ADGRL2: variants seen among roughly 807,000 people sequenced by gnomAD.
ADGRL2 encodes the protein calcium-independent alpha-latrotoxin receptor 2.
A neutral mutation model predicts 157.4 loss-of-function variants in ADGRL2; 44 were observed. The observed-to-expected ratio is 0.28, with a 90% confidence interval of 0.22 to 0.36. The LOEUF (loss-of-function observed/expected upper bound fraction) is 0.36. Among genes scored for constraint, ADGRL2 ranks in the 10% least tolerant of loss-of-function variants. The pLI is 1.00. For missense variants in ADGRL2, 1,510 were observed against 1,768.9 expected (o/e 0.85, Z 2.63); for synonymous variants, 585 against 624.7 (o/e 0.94, Z 0.95).
intron 3 of ADGRL2, among the ~76,000 whole-genome samples, chr1:81,648,770 G>A (rs1429101898): frequency 2.0e-5 from 3 of 152,182 alleles, no homozygotes; most frequent in Non-Finnish European, 4.4e-5. Context: ...TAGTGGGGAA[G>A]AGGCTTCCTA....
At chr1:81,980,273 A>T (rs1361789339) in intron 18 of ADGRL2, among the ~76,000 whole-genome samples, 1 of 151,774 alleles carries the variant, frequency 6.6e-6, no homozygotes, top group Non-Finnish European at 1.5e-5. Flanking sequence ...TGATATGATT[A>T]TATTAAGTTT....
intron 1 of ADGRL2, among the ~76,000 whole-genome samples, chr1:81,330,284 A>T: frequency 6.6e-6 from 1 of 152,112 alleles, no homozygotes. Context: ...ATTCAAACAG[A>T]TTTCTAAAAC....
At chr1:81,395,759 A>G (rs892651980) in intron 1 of ADGRL2, among the ~76,000 whole-genome samples, 4 of 152,196 alleles carry the variant, frequency 2.6e-5, no homozygotes, top group African/African-American at 7.2e-5. Context: ...TCTTCTGCAT[A>G]TGAATATCCA....
chr1:81,543,079 A>G (rs188424626), intron 2 of ADGRL2, among the ~76,000 whole-genome samples: 4 of 152,086 alleles, frequency 2.6e-5, no homozygotes, highest in Admixed American at 6.5e-5. Flanking sequence ...TTGAACTTCA[A>G]GATAAGTTAT....
chr1:81,945,862 T>TA (rs1649646168), intron 6 of ADGRL2, among the ~76,000 whole-genome samples: 2 of 115,014 alleles, frequency 1.7e-5, no homozygotes, highest in Non-Finnish European at 3.6e-5. Flanking sequence ...GTTTGACCCA[T>TA]ATTCATTCTC....
chr1:81,881,204 C>T (rs2151213192), intron 2 of ADGRL2, among the ~76,000 whole-genome samples: 1 of 152,260 alleles, frequency 6.6e-6, no homozygotes, highest in East Asian at 1.9e-4. Flanking sequence ...GAGACGGAGT[C>T]TTGCTCTGTC....
intron 2 of ADGRL2, among the ~76,000 whole-genome samples, chr1:81,578,711 A>G (rs2080845811): frequency 6.6e-6 from 1 of 152,166 alleles, no homozygotes; most frequent in Admixed American, 6.6e-5. Flanking sequence ...TGAAAACAAC[A>G]AACAACAAAC....
intron 1 of ADGRL2, among the ~76,000 whole-genome samples, chr1:81,826,953 G>T (rs74095935): frequency 0.049 from 7,389 of 152,066 alleles, 566 homozygotes; most frequent in African/African-American, 0.17. Context: ...TTAATTGTAG[G>T]TTAAAAATGT....
intron 3 of ADGRL2, among the ~76,000 whole-genome samples, chr1:81,654,793 T>C (rs1402770510): frequency 2.0e-5 from 3 of 152,230 alleles, no homozygotes; most frequent in Admixed American, 2.0e-4. Flanking sequence ...AATTTCATTA[T>C]AATGGATTTC....
intron 1 of ADGRL2, among the ~76,000 whole-genome samples, chr1:81,732,365 T>C (rs2084756017): frequency 1.3e-5 from 2 of 152,216 alleles, no homozygotes. Context: ...TACATATGCT[T>C]TTTAAACTCT....
rs1293835247 is a variant in ADGRL2 at position 81,887,971 on chromosome 1, C to T, written c.74-19046C>T. Reference sequence around the variant, plus strand: ...GGGATAGAGAATTCAGGGAAAGAGTCTGGATACTTTGGCTGTGGCTAGACA... The same window carrying T: ...GGGATAGAGAATTCAGGGAAAGAGTTTGGATACTTTGGCTGTGGCTAGACA... On this transcript the variant is annotated intron_variant, in intron 2 of 23. Transcript: ENST00000686636. 2.6e-5 allele frequency among the ~76,000 whole-genome samples: 4 copies of T among 151,998 alleles called. No homozygotes were observed. The East Asian group carries it at 7.8e-4, about 29-fold the overall frequency.
intron 2 of ADGRL2, among the ~76,000 whole-genome samples, chr1:81,486,545 G>GA (rs200011044): frequency 1.3e-4 from 19 of 150,398 alleles, no homozygotes; most frequent in South Asian, 6.5e-4. Context: ...GATAAAACTT[G>GA]AAAAAAAACA....
At chr1:81,389,277 G>A (rs1191864582) in intron 1 of ADGRL2, among the ~76,000 whole-genome samples, 2 of 152,082 alleles carry the variant, frequency 1.3e-5, no homozygotes, top group Non-Finnish European at 2.9e-5. Flanking sequence ...TGGAGACAAT[G>A]TCTCTTTCCC....
At chr1:81,367,170 G>C (rs920611182) in intron 1 of ADGRL2, among the ~76,000 whole-genome samples, 2 of 151,658 alleles carry the variant, frequency 1.3e-5, no homozygotes, top group African/African-American at 2.4e-5. Flanking sequence ...TATGTACTTG[G>C]ACAAGCCTGT....
At chr1:81,737,534 G>A (rs1263327176) in intron 1 of ADGRL2, among the ~76,000 whole-genome samples, 3 of 152,210 alleles carry the variant, frequency 2.0e-5, no homozygotes, top group South Asian at 2.1e-4. Context: ...CATGAGACTC[G>A]GGTGGGGACA....
intron 3 of ADGRL2, among the ~76,000 whole-genome samples, chr1:81,622,736 C>T (rs1487564327): frequency 6.6e-6 from 1 of 152,184 alleles, no homozygotes; most frequent in Non-Finnish European, 1.5e-5. Flanking sequence ...ACCTGGGCAA[C>T]AGGGCGAGAC....
intron 2 of ADGRL2, among the ~76,000 whole-genome samples, chr1:81,869,418 T>G (rs1325685295): frequency 6.6e-6 from 1 of 152,252 alleles, no homozygotes; most frequent in Non-Finnish European, 1.5e-5. Flanking sequence ...CAGATCAGTT[T>G]ATTTTCTTAA....
chr1:81,833,477 A>G (rs1399774187), intron 1 of ADGRL2, among the ~76,000 whole-genome samples: 1 of 152,134 alleles, frequency 6.6e-6, no homozygotes, highest in Non-Finnish European at 1.5e-5. Flanking sequence ...GTTTTAGAAA[A>G]TTGTAGTTTA....
intron 2 of ADGRL2, among the ~76,000 whole-genome samples, chr1:81,533,650 T>A (rs2079659980): frequency 6.6e-6 from 1 of 152,308 alleles, no homozygotes; most frequent in Non-Finnish European, 1.5e-5. Flanking sequence ...AGCATTTAGA[T>A]TAATTTTATC....
Sources: allele counts gnomAD v4.1 joint callset (sites outside exome capture counted in the v4.1 genomes callset), GRCh38; gene constraint gnomAD v4.1.1; transcripts MANE v1.5; gene names NCBI Gene and HGNC (gene_info 2026-07-23, HGNC 2026-07-21).